The following EHBP1 variants were observed in gnomAD, a reference collection of about 807,000 sequenced individuals.
The protein encoded by EHBP1 is EH domain binding protein 1.
EHBP1 carries 55 observed loss-of-function variants against 144.0 expected under a neutral mutation model. The ratio of observed to expected loss-of-function variants is 0.38; its 90% CI spans 0.31 to 0.48. The LOEUF is 0.48. EHBP1 is among the 20% of genes least tolerant of loss of function. The pLI, the probability that EHBP1 is intolerant of heterozygous loss-of-function variation, is 0.98. For missense variants in EHBP1, 1,200 were observed against 1,364.2 expected, an observed-to-expected ratio of 0.88 and a Z score of 1.90; for synonymous variants, 469 against 472.7, an observed-to-expected ratio of 0.99 and a Z score of 0.10.
In EHBP1 at chr2:62,939,616, G is replaced by A. The variant is rs184197760; in HGVS notation, c.1186-3102G>A. On this transcript the variant is annotated intron_variant, in intron 10 of 22. Coordinates refer to ENST00000431489, the MANE Select transcript of EHBP1 (RefSeq NM_001142616.3). Reference sequence around the variant, plus strand: ...GGATGGTGAGAATAGGCCTAATGGAGAAGATTGCATTGGAGTTAACCATGC... The same window carrying A: ...GGATGGTGAGAATAGGCCTAATGGAAAAGATTGCATTGGAGTTAACCATGC... Among the ~76,000 whole-genome samples the A allele has an allele frequency of 1.4e-4, 22 of 152,138 alleles. No homozygotes were observed. The East Asian group carries it at 3.7e-3, about 25-fold the overall frequency.
chr2:62,944,149 A>G (rs537886672), intron 12 of EHBP1, among the ~76,000 whole-genome samples: 3 of 152,346 alleles, frequency 2.0e-5, no homozygotes, highest in South Asian at 2.1e-4. Context: ...AATGCACCCA[A>G]AACTGTTGTG....
intron 8 of EHBP1, among the ~76,000 whole-genome samples, chr2:62,862,581 G>A (rs779748196): frequency 4.6e-5 from 7 of 152,054 alleles, no homozygotes; most frequent in Admixed American, 6.5e-5. Context: ...TTGCACCATT[G>A]CACTCCAGCC....
At chr2:63,041,426 G>A (rs2061655704) in intron 21 of EHBP1, among the ~76,000 whole-genome samples, 1 of 152,098 alleles carries the variant, frequency 6.6e-6, no homozygotes, top group Non-Finnish European at 1.5e-5. Context: ...TTCATTTTCT[G>A]CACAAGAAAT....
At chr2:63,033,725 A>G (rs2061354343) in intron 19 of EHBP1, among the ~76,000 whole-genome samples, 1 of 151,872 alleles carries the variant, frequency 6.6e-6, no homozygotes. Context: ...AATAAAAATT[A>G]CATACAGATT....
At chr2:62,932,511 A>AGACAAATACTGTATG (rs1224079097) in intron 10 of EHBP1, among the ~76,000 whole-genome samples, 78 of 152,352 alleles carry the variant, frequency 5.1e-4, no homozygotes, top group Non-Finnish European at 3.1e-4. Context: ...ATATGAAATC[A>AGACAAATACTGTATG]AGATCACAGA....
intron 10 of EHBP1, among the ~76,000 whole-genome samples, chr2:62,937,262 G>A (rs953119998): frequency 6.6e-6 from 1 of 152,174 alleles, no homozygotes; most frequent in Non-Finnish European, 1.5e-5. Flanking sequence ...TTGTTTAAAA[G>A]CACAGGCTTT....
intron 19 of EHBP1, among the ~76,000 whole-genome samples, chr2:63,018,250 C>A (rs559229414): frequency 6.6e-6 from 1 of 152,254 alleles, no homozygotes; most frequent in South Asian, 2.1e-4. Flanking sequence ...ATTTTAAAAA[C>A]TGGTAATTTA....
chr2:62,802,719 CTT>C (rs573491673), intron 5 of EHBP1, among the ~76,000 whole-genome samples: 12 of 115,620 alleles, frequency 1.0e-4, no homozygotes, highest in East Asian at 7.6e-4. Flanking sequence ...TGGGATCATA[CTT>C]TTTTTTTTTT....
At position 62,856,007 on chromosome 2, in the gene EHBP1, T is replaced by G. The variant is rs369893362; in HGVS notation, c.635-3162T>G. 5.6e-4 allele frequency among the ~76,000 whole-genome samples: 85 copies of G among 152,266 alleles called. 1 individual carries two copies. Among genetic ancestry groups the G allele is most frequent in the South Asian group, 2.3e-3 (11 of 4,818 alleles). On this transcript the variant is annotated intron_variant, in intron 7 of 22. Coordinates refer to ENST00000431489, the MANE Select transcript of EHBP1 (RefSeq NM_001142616.3). ...CCTCCCTGCTAGGAGCTGAACACTCTTCAGGACACCCTGCTTGTGGAAAGG... is the reference window on the plus strand; with the variant it reads ...CCTCCCTGCTAGGAGCTGAACACTCGTCAGGACACCCTGCTTGTGGAAAGG...
At chr2:62,898,766 A>G (rs1003178281) in intron 10 of EHBP1, among the ~76,000 whole-genome samples, 1 of 152,212 alleles carries the variant, frequency 6.6e-6, no homozygotes, top group African/African-American at 2.4e-5. Flanking sequence ...AGGAAGGAAA[A>G]GAGAGAAGGA....
chr2:62,854,811 C>A (rs573316153), intron 7 of EHBP1, among the ~76,000 whole-genome samples: 11 of 152,184 alleles, frequency 7.2e-5, no homozygotes, highest in Admixed American at 5.9e-4. Flanking sequence ...AGCAGGGAGG[C>A]GTGGCTGAGG....
chr2:62,679,782 C>T (rs2033446589), intron 1 of EHBP1, among the ~76,000 whole-genome samples: 1 of 152,180 alleles, frequency 6.6e-6, no homozygotes, highest in Non-Finnish European at 1.5e-5. Flanking sequence ...AATTAAGTAA[C>T]CACTTGACTT....
In EHBP1 at chr2:62,813,160, G is replaced by A. The variant is rs145811671; in HGVS notation, c.313-12927G>A. On this transcript the variant is annotated intron_variant, in intron 5 of 22. Coordinates refer to ENST00000431489, the MANE Select transcript of EHBP1 (RefSeq NM_001142616.3). ...CTGCCCAGGGCCACCTCAGTATTCT[G>A]TTCCCTGAATTCCAGCTCAGTGATT... Among the ~76,000 whole-genome samples the A allele has an allele frequency of 2.2e-3, 334 of 152,292 alleles. 1 individual carries two copies. The highest frequency in any genetic ancestry group is 7.5e-3 in the African/African-American group (313 of 41,574).
Position 62,948,841 on chromosome 2 carries a change from A to T in EHBP1, c.1995A>T (p.Leu665Phe). The part of the protein sequence containing the change: ...LKAETLELSD[L>F]YVSDKKKDMS... ...CTGAGACTTTAGAATTGAGTGACTT[A>T]TATGTTAGTGATAAGAAGAAGGATA... Residue 665 changes from leucine (L) to phenylalanine (F), a missense_variant, in exon 13 of 23, where the codon TTA (leucine) becomes TTT (phenylalanine). Transcript: ENST00000431489. 1 of 1,614,142 alleles carries T rather than the reference A, an allele frequency of 6.2e-7. No homozygotes were observed. Among genetic ancestry groups the T allele is most frequent in the Middle Eastern group, 1.6e-4 (1 of 6,062 alleles).
chr2:62,792,900 T>C (rs1390112173), intron 5 of EHBP1, among the ~76,000 whole-genome samples: 2 of 151,996 alleles, frequency 1.3e-5, no homozygotes, highest in Non-Finnish European at 2.9e-5. Flanking sequence ...ATAAAATTGA[T>C]AGGTTTTTTT....
At position 62,864,989 on chromosome 2, in the gene EHBP1, T is replaced by C; in HGVS notation, c.998+18T>C. The C allele has an allele frequency of 6.2e-7, 1 of 1,610,078 alleles. No individual in the cohort carries two copies. Among genetic ancestry groups the C allele is most frequent in the African/African-American group, 1.3e-5 (1 of 74,732 alleles). ...TTGGATGAGTAAGTACATTTCATTTTGCTGTCATCACAAGTTAGTCTCTAT... is the reference window on the plus strand; with the variant it reads ...TTGGATGAGTAAGTACATTTCATTTCGCTGTCATCACAAGTTAGTCTCTAT... On this transcript the variant is annotated intron_variant, in intron 9 of 22. Coordinates refer to ENST00000431489, the MANE Select transcript of EHBP1 (RefSeq NM_001142616.3).
At chr2:62,747,164 C>G (rs1247593993) in intron 2 of EHBP1, among the ~76,000 whole-genome samples, 8 of 151,966 alleles carry the variant, frequency 5.3e-5, no homozygotes, top group Non-Finnish European at 1.0e-4. Flanking sequence ...TGGTTTGTCC[C>G]TGTGATTTAA....
intron 5 of EHBP1, among the ~76,000 whole-genome samples, chr2:62,783,511 T>C (rs867102364): frequency 3.3e-5 from 5 of 152,352 alleles, no homozygotes; most frequent in South Asian, 2.1e-4. Flanking sequence ...GAAATCTAGG[T>C]GGAGGTTTCT....
intron 12 of EHBP1, 61 bp downstream of exon 12, chr2:62,943,911 A>C: frequency 7.7e-7 from 1 of 1,298,956 alleles, no homozygotes; most frequent in South Asian, 1.3e-5. Flanking sequence ...GCAGGTCTTT[A>C]TTAATTTGGA....
Sources: gnomAD v4.1 joint callset for allele counts (sites outside exome capture counted in the v4.1 genomes callset) on GRCh38, gnomAD v4.1.1 for gene constraint, MANE v1.5 for transcripts, NCBI Gene and HGNC (gene_info 2026-07-23, HGNC 2026-07-21) for gene names.